Variants in WDR59 observed in about 807,000 individuals in gnomAD.
WDR59 encodes GATOR2 complex protein WDR59.
In WDR59, 100 loss-of-function variants were observed where a neutral mutation model predicts 131.2. The ratio of observed to expected loss-of-function variants is 0.76; its 90% confidence interval spans 0.65 to 0.90. The LOEUF (loss-of-function observed/expected upper bound fraction) is 0.90, where lower values mean the gene tolerates loss of function less well. Ranked by LOEUF, WDR59 falls within the 40% of genes least tolerant of loss-of-function variation. The pLI, the probability that WDR59 is intolerant of heterozygous loss-of-function variation, is 0.00. For synonymous variants in WDR59, 601 were observed against 466.2 expected, an observed-to-expected ratio of 1.29 and a Z score of -3.72; for missense variants, 1,203 against 1,262.2, an observed-to-expected ratio of 0.95 and a Z score of 0.71.
At chr16:74,977,263 TA>T (rs1227719599) in intron 1 of WDR59, among the ~76,000 whole-genome samples, 14 of 151,224 alleles carry the variant, frequency 9.3e-5, no homozygotes, top group Non-Finnish European at 1.5e-4. Flanking sequence ...TAATTTAAAT[TA>T]AAAAAAAATT....
At chr16:74,916,368 T>C in intron 11 of WDR59, 109 bp from the exon 12 acceptor site, 1 of 1,407,662 alleles carries the variant, frequency 7.1e-7, no homozygotes, top group Non-Finnish European at 9.9e-7. Flanking sequence ...GATGGGGATG[T>C]GTCAGCCAAG....
At position 74,886,135 on chromosome 16, in the gene WDR59, G is replaced by A. The variant is rs541741954; in HGVS notation, c.2546+135C>T. Reference sequence around the variant, plus strand: ...AGAGGTTGCAGAGAGCCGAGATCCCGCCACTGCACTCCAACCTAGTGACCG... The same window carrying A: ...AGAGGTTGCAGAGAGCCGAGATCCCACCACTGCACTCCAACCTAGTGACCG... On this transcript the variant is annotated intron_variant, in intron 24 of 25. Coordinates refer to ENST00000262144, the MANE Select transcript of WDR59 (RefSeq NM_030581.4). 6.4e-5 allele frequency: 73 copies of A among 1,148,788 alleles called. No individual in the cohort carries two copies. The East Asian group carries it at 1.1e-3, about 17-fold the overall frequency. 71.2% of individuals were successfully genotyped at this position (1,148,788 alleles called of 1,614,324 possible).
chr16:74,979,973 C>T (rs182976860), intron 1 of WDR59, among the ~76,000 whole-genome samples: 6 of 151,406 alleles, frequency 4.0e-5, no homozygotes, highest in African/African-American at 9.7e-5. Flanking sequence ...CTCAGCCTCC[C>T]GAGTAGCTGG....
At chr16:74,928,054 T>C (rs2031022449) in intron 8 of WDR59, among the ~76,000 whole-genome samples, 1 of 151,548 alleles carries the variant, frequency 6.6e-6, no homozygotes, top group African/African-American at 2.4e-5. Context: ...ACTACAGGCA[T>C]GCACCACCAC....
chr16:74,981,953 G>C (rs1364011774), intron 1 of WDR59, among the ~76,000 whole-genome samples: 4 of 123,966 alleles, frequency 3.2e-5, no homozygotes, highest in Admixed American at 3.1e-4. Context: ...ACCACGCCTG[G>C]CCATATATGT....
intron 18 of WDR59, among the ~76,000 whole-genome samples, chr16:74,896,633 TA>T (rs554333270): frequency 1.6e-3 from 216 of 138,668 alleles, no homozygotes; most frequent in Middle Eastern, 3.8e-3. Context: ...AGACCCTGCC[TA>T]AAAAAAAAAA....
chr16:74,931,584 G>A (rs752068358), intron 8 of WDR59, among the ~76,000 whole-genome samples: 3 of 152,026 alleles, frequency 2.0e-5, no homozygotes, highest in Non-Finnish European at 4.4e-5. Flanking sequence ...CAATCTGCCC[G>A]CTTCAGCCTC....
chr16:74,882,060 C>T (rs1166450833), intron 25 of WDR59, among the ~76,000 whole-genome samples: 1 of 152,056 alleles, frequency 6.6e-6, no homozygotes, highest in East Asian at 1.9e-4. Flanking sequence ...ACTTCATTCT[C>T]TCTGACTGCA....
At chr16:74,883,132 C>G (rs536937819) in intron 25 of WDR59, among the ~76,000 whole-genome samples, 15 of 150,574 alleles carry the variant, frequency 1.0e-4, no homozygotes, top group African/African-American at 3.7e-4. Context: ...TCAAGTGATC[C>G]TCCTGCCTCA....
chr16:74,972,935 A>G (rs922282869), intron 1 of WDR59, among the ~76,000 whole-genome samples: 1 of 149,506 alleles, frequency 6.7e-6, no homozygotes, highest in Non-Finnish European at 1.5e-5. Context: ...TCCAATTTCT[A>G]TTCAAATTAG....
In WDR59 at chr16:74,874,096, T is replaced by A. The variant is rs1221758303; in HGVS notation, c.*113A>T. ...CTGCGCAGTCCTTGGGGGATCATCC[T>A]CCGGTCTCACTGGGGACGAACCCAG... On this transcript the variant is annotated 3_prime_UTR_variant, in exon 26 of 26. Transcript: ENST00000262144. The A allele has an allele frequency of 1.2e-6, 1 of 869,536 alleles. No homozygotes were observed. The highest frequency in any genetic ancestry group is 1.8e-6 in the Non-Finnish European group (1 of 564,100). The allele number at this position is 869,536 out of a possible 1,614,324, so 53.9% of individuals were successfully genotyped here.
At chr16:74,964,526 T>C (rs1215110071) in intron 2 of WDR59, among the ~76,000 whole-genome samples, 1 of 152,198 alleles carries the variant, frequency 6.6e-6, no homozygotes, top group Non-Finnish European at 1.5e-5. Context: ...TACTTTTCAT[T>C]GTATATCCTT....
At position 74,964,251 on chromosome 16, in the gene WDR59, C is replaced by T. The variant is rs192249550; in HGVS notation, c.104+1522G>A. ...AAAATTAGCTGGGCATGGTGGCAGG[C>T]GCCTATAATCCCAGGTACTCGGGAG... is the stretch of plus-strand genomic sequence containing the variant. On this transcript the variant is annotated intron_variant, in intron 2 of 25. Coordinates refer to ENST00000262144, the MANE Select transcript of WDR59 (RefSeq NM_030581.4). 3.8e-3 allele frequency among the ~76,000 whole-genome samples: 583 copies of T among 151,730 alleles called. 2 individuals carry two copies. The highest frequency in any genetic ancestry group is 0.014 in the African/African-American group (559 of 41,378).
chr16:74,973,989 G>A (rs1232055785), intron 1 of WDR59, among the ~76,000 whole-genome samples: 1 of 152,134 alleles, frequency 6.6e-6, no homozygotes, highest in Non-Finnish European at 1.5e-5. Context: ...GGCCAACATG[G>A]TGAAACCTCG....
chr16:74,908,711 G>C, intron 17 of WDR59, 197 bp downstream of exon 17: 1 of 515,060 alleles, frequency 1.9e-6, no homozygotes, highest in Non-Finnish European at 3.4e-6. Context: ...CTAATGGTTT[G>C]GTAATAACCA....
intron 2 of WDR59, among the ~76,000 whole-genome samples, chr16:74,960,112 C>G (rs2145176113): frequency 6.6e-6 from 1 of 151,956 alleles, no homozygotes; most frequent in East Asian, 1.9e-4. Flanking sequence ...GGTAGACTGC[C>G]TGAGCTCAGG....
chr16:74,930,938 A>C (rs970072078), intron 8 of WDR59: 1 of 151,260 alleles, frequency 6.6e-6, no homozygotes, highest in African/African-American at 2.4e-5. Context: ...AAAAGAAAAA[A>C]GTTCAGGTAA....
At chr16:74,957,265 G>T (rs963553213) in intron 2 of WDR59, among the ~76,000 whole-genome samples, 1 of 151,822 alleles carries the variant, frequency 6.6e-6, no homozygotes. Flanking sequence ...ATTTTTTGTA[G>T]AGACGGAGTT....
intron 17 of WDR59, among the ~76,000 whole-genome samples, chr16:74,905,236 G>A (rs777403336): frequency 6.6e-6 from 1 of 152,104 alleles, no homozygotes; most frequent in African/African-American, 2.4e-5. Flanking sequence ...TTAGCCAGGC[G>A]TGGTGGCGCA....
Sources: allele counts gnomAD v4.1 joint callset (sites outside exome capture counted in the v4.1 genomes callset), GRCh38; gene constraint gnomAD v4.1.1; transcripts MANE v1.5; gene names NCBI Gene and HGNC (gene_info 2026-07-23, HGNC 2026-07-21).